GRIN2B: variants seen among roughly 807,000 people sequenced by gnomAD.
GRIN2B encodes glutamate receptor ionotropic, NMDA 2B.
A neutral mutation model predicts 114.5 loss-of-function variants in GRIN2B; 5 were observed. The ratio of observed to expected loss-of-function variants is 0.04; its 90% CI spans 0.02 to 0.09. GRIN2B has a LOEUF of 0.09. Among genes scored for constraint, GRIN2B ranks in the 10% least tolerant of loss-of-function variants. GRIN2B has a pLI of 1.00. For synonymous variants in GRIN2B, 787 were observed against 745.1 expected, an observed-to-expected ratio of 1.06 and a Z score of -0.92; for missense variants, 1,108 against 1,943.5, an observed-to-expected ratio of 0.57 and a Z score of 8.08.
chr12:13,932,545 C>T (rs1389372578), intron 2 of GRIN2B, among the ~76,000 whole-genome samples: 1 of 152,204 alleles, frequency 6.6e-6, no homozygotes, highest in Admixed American at 6.5e-5. Flanking sequence ...GTAGCCATCA[C>T]ACCCAGTCAA....
chr12:13,706,754 G>A (rs1318957960), intron 4 of GRIN2B, among the ~76,000 whole-genome samples: 1 of 152,080 alleles, frequency 6.6e-6, no homozygotes, highest in African/African-American at 2.4e-5. Flanking sequence ...GTTTGCCTCA[G>A]CTCCACACAG....
chr12:13,979,092 G>A (rs1029531400), intron 2 of GRIN2B, among the ~76,000 whole-genome samples: 3 of 152,146 alleles, frequency 2.0e-5, no homozygotes, highest in Non-Finnish European at 4.4e-5. Context: ...CTGCAAGATA[G>A]CCATTTTGCA....
chr12:13,948,821 A>C (rs1046390688), intron 2 of GRIN2B, among the ~76,000 whole-genome samples: 1 of 152,142 alleles, frequency 6.6e-6, no homozygotes, highest in Non-Finnish European at 1.5e-5. Context: ...ACTAATGGGA[A>C]TTCCATGGAC....
At chr12:13,939,543 C>CATTTT (rs781345220) in intron 2 of GRIN2B, among the ~76,000 whole-genome samples, 1 of 88,044 alleles carries the variant, frequency 1.1e-5, no homozygotes, top group African/African-American at 4.4e-5. Flanking sequence ...CTGCACCGTG[C>CATTTT]TTTTTTTTTT....
Position 13,557,339 on chromosome 12 carries a change from C to T in GRIN2B, c.*5444G>A, listed in dbSNP as rs1948488749. On this transcript the variant is annotated 3_prime_UTR_variant, in exon 14 of 14. Transcript: ENST00000609686. ...AAGTAGCACCTGAGGTCATAAGTGG[C>T]TCTTTTACCAGATAACAGGGCACCC... The T allele has an allele frequency of 6.6e-6, 1 of 152,146 alleles. No individual in the cohort carries two copies. Among genetic ancestry groups the T allele is most frequent in the Non-Finnish European group, 1.5e-5 (1 of 68,022 alleles). 9.4% of individuals were successfully genotyped at this position (152,146 alleles called of 1,614,324 possible). A position where few individuals can be genotyped will look rare whatever the true frequency, so the allele number is the denominator to read the frequency against.
chr12:13,948,884 G>T (rs549074077), intron 2 of GRIN2B, among the ~76,000 whole-genome samples: 1 of 152,246 alleles, frequency 6.6e-6, no homozygotes, highest in African/African-American at 2.4e-5. Flanking sequence ...CTGATGGGCA[G>T]CCACTCAGAA....
chr12:13,921,819 C>T (rs1300840550), intron 2 of GRIN2B, among the ~76,000 whole-genome samples: 1 of 152,090 alleles, frequency 6.6e-6, no homozygotes, highest in Non-Finnish European at 1.5e-5. Context: ...CAGTCCCTGG[C>T]CCACAGTAGG....
At chr12:13,796,956 A>G (rs1864427090) in intron 3 of GRIN2B, among the ~76,000 whole-genome samples, 1 of 152,182 alleles carries the variant, frequency 6.6e-6, no homozygotes, top group South Asian at 2.1e-4. Flanking sequence ...CTCTACCTCT[A>G]TCTATTTAGA....
chr12:13,849,248 T>C (rs1865519130), intron 3 of GRIN2B, among the ~76,000 whole-genome samples: 1 of 152,010 alleles, frequency 6.6e-6, no homozygotes, highest in Non-Finnish European at 1.5e-5. Flanking sequence ...AGCAGCCCGG[T>C]CTTGAGTCCT....
At chr12:13,875,839 A>G (rs1402087419) in intron 2 of GRIN2B, among the ~76,000 whole-genome samples, 2 of 152,238 alleles carry the variant, frequency 1.3e-5, no homozygotes, top group South Asian at 2.1e-4. Flanking sequence ...AGATCGATTC[A>G]TTTGATAAAT....
chr12:13,603,890 A>C (rs1288400334), intron 10 of GRIN2B, among the ~76,000 whole-genome samples: 1 of 152,018 alleles, frequency 6.6e-6, no homozygotes, highest in African/African-American at 2.4e-5. Context: ...TGGGGAAGTT[A>C]CTAGTTTTCC....
At chr12:13,813,477 T>C (rs573373870) in intron 3 of GRIN2B, among the ~76,000 whole-genome samples, 7 of 152,274 alleles carry the variant, frequency 4.6e-5, no homozygotes, top group African/African-American at 1.7e-4. Flanking sequence ...AAAATGTTTG[T>C]TGGCAGCAAT....
intron 2 of GRIN2B, among the ~76,000 whole-genome samples, chr12:13,954,210 G>A (rs1867545771): frequency 6.6e-6 from 1 of 152,110 alleles, no homozygotes; most frequent in Non-Finnish European, 1.5e-5. Context: ...ACCCACAATG[G>A]CATTGATTCT....
At chr12:13,842,925 T>G (rs1313966612) in intron 3 of GRIN2B, among the ~76,000 whole-genome samples, 2 of 83,242 alleles carry the variant, frequency 2.4e-5, no homozygotes, top group Non-Finnish European at 5.4e-5. Context: ...TTCTTTTTTT[T>G]TTTTTTTTTT....
chr12:13,563,827 G>T lies in GRIN2B; in HGVS notation c.3411C>A (p.Phe1137Leu). ...AGTGGGGTGAGTTCTCCTTTGTTCG[G>T]AACTGGTCCAGGTAGAAGTCCCGTA... ...EGLRDFYLDQ[F>L]RTKENSPHWE... Residue 1137 changes from phenylalanine to leucine, a missense_variant, in exon 14 of 14, where the codon TTC becomes TTA. Coordinates refer to ENST00000609686, the MANE Select transcript of GRIN2B (RefSeq NM_000834.5). 1 of 1,614,116 alleles carries T rather than the reference G, an allele frequency of 6.2e-7. No homozygotes were observed.
chr12:13,967,401 C>G lies in GRIN2B; in HGVS notation c.-19+12527G>C, dbSNP rs566120960. On this transcript the variant is annotated intron_variant, in intron 2 of 13. Coordinates refer to ENST00000609686, the MANE Select transcript of GRIN2B (RefSeq NM_000834.5). ...AAGAGTGTGAACTTGAGCCAAAACGCCCAGTTCAAATCCTGGTTGTGCCAT... is the reference window on the plus strand; with the variant it reads ...AAGAGTGTGAACTTGAGCCAAAACGGCCAGTTCAAATCCTGGTTGTGCCAT... 3.0e-4 allele frequency among the ~76,000 whole-genome samples: 45 copies of G among 152,310 alleles called. 1 individual carries two copies. The highest frequency in any genetic ancestry group is 1.1e-3 in the African/African-American group (44 of 41,560).
chr12:13,806,897 A>G (rs1056099162), intron 3 of GRIN2B, among the ~76,000 whole-genome samples: 4 of 152,090 alleles, frequency 2.6e-5, no homozygotes, highest in African/African-American at 9.7e-5. Flanking sequence ...TGATTTTTAT[A>G]TATGAGATAA....
intron 3 of GRIN2B, among the ~76,000 whole-genome samples, chr12:13,791,946 T>C (rs1197435487): frequency 2.0e-5 from 3 of 152,238 alleles, no homozygotes; most frequent in Non-Finnish European, 4.4e-5. Context: ...AATTATCTTC[T>C]CTTTGTACTC....
chr12:13,709,395 A>G (rs1257329339), intron 4 of GRIN2B, among the ~76,000 whole-genome samples: 2 of 152,066 alleles, frequency 1.3e-5, no homozygotes, highest in African/African-American at 2.4e-5. Flanking sequence ...TAAAGCAGCT[A>G]TTATAAAAAT....
Sources: gnomAD v4.1 joint callset for allele counts (sites outside exome capture counted in the v4.1 genomes callset) on GRCh38, gnomAD v4.1.1 for gene constraint, MANE v1.5 for transcripts, NCBI Gene and HGNC (gene_info 2026-07-23, HGNC 2026-07-21) for gene names.